Variants in GTF2F2 observed in about 807,000 individuals in gnomAD.
The protein encoded by GTF2F2 is ATP-dependent helicase GTF2F2.
A neutral mutation model predicts 42.2 loss-of-function variants in GTF2F2; 23 were observed. That is an observed-to-expected ratio of 0.55 (90% CI 0.39 to 0.77). The LOEUF (loss-of-function observed/expected upper bound fraction) is 0.77, where lower values mean the gene tolerates loss of function less well. Among genes scored for constraint, GTF2F2 ranks in the 30% least tolerant of loss-of-function variants. GTF2F2 has a pLI of 0.00. For missense variants in GTF2F2, 261 were observed against 287.2 expected, an observed-to-expected ratio of 0.91 and a Z score of 0.66; for synonymous variants, 105 against 100.8, an observed-to-expected ratio of 1.04 and a Z score of -0.25.
chr13:45,162,160 C>A (rs1049817287), intron 4 of GTF2F2, among the ~76,000 whole-genome samples: 1 of 152,106 alleles, frequency 6.6e-6, no homozygotes, highest in Non-Finnish European at 1.5e-5. Context: ...TATGTTAAAA[C>A]AGTCTCTTTA....
chr13:45,211,983 C>T lies in GTF2F2; in HGVS notation c.386+4478C>T, dbSNP rs550395879. Among the ~76,000 whole-genome samples, 3 of 151,952 alleles carry T rather than the reference C, an allele frequency of 2.0e-5. No homozygotes were observed. The East Asian group carries it at 5.8e-4, about 29-fold the overall frequency. ...CACACACACACACGCACACACACAC[C>T]ACACCCCCACATATGCGCACGCACA... On this transcript the variant is annotated intron_variant, in intron 5 of 7. Coordinates refer to ENST00000340473, the MANE Select transcript of GTF2F2 (RefSeq NM_004128.3).
chr13:45,191,023 GA>G (rs1465462552), intron 4 of GTF2F2, among the ~76,000 whole-genome samples: 1 of 149,988 alleles, frequency 6.7e-6, no homozygotes, highest in Non-Finnish European at 1.5e-5. Context: ...TGAATTATTT[GA>G]AAAGTCTCGT....
At chr13:45,200,637 G>A (rs1348382878) in intron 4 of GTF2F2, among the ~76,000 whole-genome samples, 1 of 152,166 alleles carries the variant, frequency 6.6e-6, no homozygotes, top group Non-Finnish European at 1.5e-5. Flanking sequence ...TACTTCACAA[G>A]TAAAGAGCAG....
intron 5 of GTF2F2, among the ~76,000 whole-genome samples, chr13:45,237,678 T>A (rs1875060864): frequency 6.6e-6 from 1 of 152,222 alleles, no homozygotes; most frequent in Non-Finnish European, 1.5e-5. Context: ...AATCAGAGCT[T>A]GGTTTCAGAC....
At chr13:45,194,088 A>G (rs756060711) in intron 4 of GTF2F2, 4 of 1,614,040 alleles carry the variant, frequency 2.5e-6, no homozygotes, top group East Asian at 2.2e-5. Flanking sequence ...AATCAGGAGC[A>G]TTACAGAAGA....
At chr13:45,203,718 G>C (rs977394663) in intron 4 of GTF2F2, among the ~76,000 whole-genome samples, 1 of 152,136 alleles carries the variant, frequency 6.6e-6, no homozygotes, top group African/African-American at 2.4e-5. Context: ...GTGTGTGGGA[G>C]TACTAGAGAT....
intron 6 of GTF2F2, among the ~76,000 whole-genome samples, chr13:45,254,086 AG>A (rs1208178997): frequency 1.3e-5 from 2 of 150,140 alleles, no homozygotes; most frequent in Non-Finnish European, 3.0e-5. Context: ...AAAAAAAAAA[AG>A]AAAGAAGAAG....
intron 4 of GTF2F2, among the ~76,000 whole-genome samples, chr13:45,195,281 C>T (rs1444008092): frequency 6.0e-5 from 9 of 148,800 alleles, no homozygotes; most frequent in Non-Finnish European, 8.9e-5. Context: ...TTTTATTTAC[C>T]CTAAAAGTAA....
rs11332719 is a variant in GTF2F2, at chr13:45,167,092, C to CT, written c.304+15277dup. Among the ~76,000 whole-genome samples the CT allele has an allele frequency of 2.9e-3, 384 of 134,166 alleles. 1 individual carries two copies. The highest frequency in any genetic ancestry group is 9.1e-3 in the South Asian group (37 of 4,048). 88.0% of individuals were successfully genotyped at this position (134,166 alleles called of 152,430 possible). A position where few individuals can be genotyped will look rare whatever the true frequency, so the allele number is the denominator to read the frequency against. ...GTTTAAAAAGAAATGCAGTTGAAGT[C>CT]TTTTTTTTTTTTTTTTAAAGAACTT... On this transcript the variant is annotated intron_variant, in intron 4 of 7. Coordinates refer to ENST00000340473, the MANE Select transcript of GTF2F2 (RefSeq NM_004128.3).
intron 7 of GTF2F2, among the ~76,000 whole-genome samples, chr13:45,273,261 A>G (rs1209996393): frequency 6.6e-6 from 1 of 151,638 alleles, no homozygotes; most frequent in Non-Finnish European, 1.5e-5. Context: ...TTTTTTGTGG[A>G]GACAGGATCT....
chr13:45,247,121 G>A (rs931261457), intron 5 of GTF2F2, among the ~76,000 whole-genome samples: 10 of 151,774 alleles, frequency 6.6e-5, no homozygotes, highest in South Asian at 2.1e-4. Context: ...AGGCTAAGGC[G>A]GGCAGATCAC....
At chr13:45,241,044 A>T (rs9534075) in intron 5 of GTF2F2, among the ~76,000 whole-genome samples, 53,016 of 150,350 alleles carry the variant, frequency 0.35, 12,720 homozygotes, top group African/African-American at 0.68. Flanking sequence ...TCCCAGCCAC[A>T]AGGGCAGCTG....
chr13:45,169,423 G>A (rs1034584568), intron 4 of GTF2F2, among the ~76,000 whole-genome samples: 9 of 152,102 alleles, frequency 5.9e-5, no homozygotes, highest in East Asian at 3.9e-4. Flanking sequence ...TAGGCACCTC[G>A]ATCTTGGACT....
intron 4 of GTF2F2, among the ~76,000 whole-genome samples, chr13:45,159,158 T>A (rs1456124935): frequency 6.6e-6 from 1 of 152,176 alleles, no homozygotes; most frequent in Non-Finnish European, 1.5e-5. Context: ...AGCAGCTGAG[T>A]TCACTGATGG....
intron 6 of GTF2F2, among the ~76,000 whole-genome samples, chr13:45,254,123 TTGAGAGAG>T (rs1875995807): frequency 1.3e-5 from 2 of 151,670 alleles, no homozygotes; most frequent in Non-Finnish European, 2.9e-5. Context: ...CCAAGATATT[TTGAGAGAG>T]TGAGAGAGAG....
intron 1 of GTF2F2, among the ~76,000 whole-genome samples, chr13:45,128,515 G>A (rs1457373212): frequency 6.6e-6 from 1 of 151,270 alleles, no homozygotes; most frequent in African/African-American, 2.4e-5. Context: ...GGAGGTTGCA[G>A]TGAGCCAAGA....
At chr13:45,186,639 TA>T (rs1276442351) in intron 4 of GTF2F2, among the ~76,000 whole-genome samples, 1 of 152,184 alleles carries the variant, frequency 6.6e-6, no homozygotes, top group African/African-American at 2.4e-5. Context: ...AATAAAAATT[TA>T]TCAAATGCTA....
chr13:45,179,477 A>G (rs920503072), intron 4 of GTF2F2, among the ~76,000 whole-genome samples: 1 of 152,198 alleles, frequency 6.6e-6, no homozygotes, highest in Admixed American at 6.5e-5. Context: ...CACCCTAGTT[A>G]GTTTATCAGG....
rs61077504 is a variant in GTF2F2 at position 45,235,041 on chromosome 13, C to CAAAAAAA, written c.387-17806_387-17800dup. ...GCCTGGGCAACAAGAGCGGGAAACT[C>CAAAAAAA]AAAAAAAAAAAAAAAAAAAAAAAAA... is the stretch of plus-strand genomic sequence containing the variant. On this transcript the variant is annotated intron_variant, in intron 5 of 7. Coordinates refer to ENST00000340473, the MANE Select transcript of GTF2F2 (RefSeq NM_004128.3). 4.1e-4 allele frequency among the ~76,000 whole-genome samples: 18 copies of CAAAAAAA among 43,718 alleles called. 1 individual carries two copies. The highest frequency in any genetic ancestry group is 1.1e-3 in the East Asian group (1 of 882). The allele number at this position is 43,718 out of a possible 152,430, so 28.7% of individuals were successfully genotyped here. A position where few individuals can be genotyped will look rare whatever the true frequency, so the allele number is the denominator to read the frequency against.
Sources: allele counts gnomAD v4.1 joint callset (sites outside exome capture counted in the v4.1 genomes callset), GRCh38; gene constraint gnomAD v4.1.1; transcripts MANE v1.5; gene names NCBI Gene and HGNC (gene_info 2026-07-23, HGNC 2026-07-21).